COP1: variants seen among roughly 807,000 people sequenced by gnomAD.
COP1 encodes COP1 E3 ubiquitin ligase, also known as E3 ubiquitin-protein ligase COP1.
Under a neutral mutation model 101.3 loss-of-function variants are expected in COP1, and 24 were observed. The ratio of observed to expected loss-of-function variants is 0.24; its 90% CI spans 0.17 to 0.33. COP1 has a LOEUF of 0.33. Ranked by LOEUF, COP1 falls within the 10% of genes least tolerant of loss-of-function variation. COP1 has a pLI of 1.00. For missense variants in COP1, 663 were observed against 906.2 expected, an observed-to-expected ratio of 0.73 and a Z score of 3.45; for synonymous variants, 347 against 341.9, an observed-to-expected ratio of 1.01 and a Z score of -0.17.
chr1:176,115,700 C>T (rs150853109), intron 9 of COP1, among the ~76,000 whole-genome samples: 9 of 151,684 alleles, frequency 5.9e-5, no homozygotes, highest in Non-Finnish European at 1.2e-4. Flanking sequence ...GAGCCGAGAT[C>T]GTACCACTGC....
chr1:176,056,511 CGT>C (rs751446292), intron 11 of COP1, among the ~76,000 whole-genome samples: 10 of 150,190 alleles, frequency 6.7e-5, no homozygotes, highest in Admixed American at 1.3e-4. Context: ...TATAATGGGG[CGT>C]GTGTGTGTGT....
chr1:175,992,647 G>C (rs1325761257), intron 15 of COP1, among the ~76,000 whole-genome samples: 1 of 152,214 alleles, frequency 6.6e-6, no homozygotes, highest in Non-Finnish European at 1.5e-5. Flanking sequence ...CTGACTGCAA[G>C]CACAGCAGTC....
At chr1:176,049,604 G>A (rs1431753764) in intron 11 of COP1, among the ~76,000 whole-genome samples, 1 of 151,964 alleles carries the variant, frequency 6.6e-6, no homozygotes, top group Non-Finnish European at 1.5e-5. Flanking sequence ...TTTAGTGGAA[G>A]AACTTCCACA....
At chr1:176,019,292 G>T (rs937258442) in intron 15 of COP1, among the ~76,000 whole-genome samples, 2 of 151,426 alleles carry the variant, frequency 1.3e-5, no homozygotes, top group South Asian at 2.1e-4. Flanking sequence ...GTGAAACCCC[G>T]TCTCTACTAA....
chr1:176,042,546 G>A (rs1367690132), intron 14 of COP1, among the ~76,000 whole-genome samples: 8 of 134,174 alleles, frequency 6.0e-5, no homozygotes, highest in Non-Finnish European at 1.3e-4. Context: ...CTGGGCAGCA[G>A]AGCGAGAATC....
intron 1 of COP1, among the ~76,000 whole-genome samples, chr1:176,189,568 C>T (rs1446893167): frequency 2.6e-5 from 4 of 151,754 alleles, no homozygotes; most frequent in African/African-American, 9.7e-5. Flanking sequence ...TGCCCACAGA[C>T]CTGTACTACA....
chr1:176,166,108 C>T (rs958739732), intron 3 of COP1, among the ~76,000 whole-genome samples: 1 of 152,024 alleles, frequency 6.6e-6, no homozygotes, highest in East Asian at 1.9e-4. Context: ...AACTAAAGAT[C>T]AAGCCTGTAT....
intron 7 of COP1, 144 bp downstream of exon 7, chr1:176,136,344 C>A: frequency 2.3e-6 from 1 of 437,294 alleles, no homozygotes. Context: ...TACAAAAATT[C>A]ATCCTCAATT....
chr1:176,146,869 A>G (rs1180588295), intron 6 of COP1, among the ~76,000 whole-genome samples: 2 of 150,982 alleles, frequency 1.3e-5, no homozygotes, highest in African/African-American at 4.8e-5. Context: ...AAGGAGAATC[A>G]GTAGGAAAAA....
chr1:176,149,083 G>C lies in COP1; in HGVS notation c.763-9C>G, dbSNP rs3748618. On this transcript the variant is annotated splice_polypyrimidine_tract_variant and intron_variant, in intron 5 of 19. Transcript: ENST00000367669. ...TGGGCTGCATGTGATTCCTACAATA[G>C]AAAATTATAATTTTTCTTTTAAAAA... 4.5e-5 allele frequency: 70 copies of C among 1,539,988 alleles called. No individual in the cohort carries two copies. Among genetic ancestry groups the C allele is most frequent in the Non-Finnish European group, 4.2e-5 (47 of 1,129,346 alleles).
At chr1:176,061,041 A>T (rs1158279466) in intron 11 of COP1, among the ~76,000 whole-genome samples, 1 of 152,212 alleles carries the variant, frequency 6.6e-6, no homozygotes, top group Non-Finnish European at 1.5e-5. Context: ...GAGAACTTAT[A>T]TTACCTAATT....
At chr1:175,960,123 T>C (rs1277039115) in intron 18 of COP1, among the ~76,000 whole-genome samples, 1 of 152,220 alleles carries the variant, frequency 6.6e-6, no homozygotes, top group Non-Finnish European at 1.5e-5. Context: ...GAAATGCCAG[T>C]AACTGGTTTT....
chr1:175,945,216 T>C (rs911537032), intron 19 of COP1, 46 bp from the exon 20 acceptor site: 22 of 1,383,786 alleles, frequency 1.6e-5, no homozygotes, highest in South Asian at 3.8e-5. Context: ...TCATTTAAGA[T>C]ATAAAAGGAA....
chr1:176,091,041 GC>G (rs1473060201), intron 9 of COP1, among the ~76,000 whole-genome samples: 1 of 152,164 alleles, frequency 6.6e-6, no homozygotes, highest in African/African-American at 2.4e-5. Context: ...AAGGCAAAAT[GC>G]TTTTCAAGAG....
chr1:176,019,332 G>T (rs1286466394), intron 15 of COP1, among the ~76,000 whole-genome samples: 1 of 150,066 alleles, frequency 6.7e-6, no homozygotes, highest in African/African-American at 2.5e-5. Flanking sequence ...GCATGGTGGT[G>T]TGCGCTTGTA....
chr1:176,061,795 C>T (rs1289636197), intron 11 of COP1, among the ~76,000 whole-genome samples: 1 of 152,006 alleles, frequency 6.6e-6, no homozygotes, highest in Non-Finnish European at 1.5e-5. Flanking sequence ...AACATTTCTA[C>T]AGGATAGAAA....
intron 1 of COP1, among the ~76,000 whole-genome samples, chr1:176,205,268 T>C (rs993347820): frequency 6.6e-6 from 1 of 152,162 alleles, no homozygotes; most frequent in East Asian, 1.9e-4. Flanking sequence ...GCCCCAACCA[T>C]AAACTGCTTA....
chr1:176,204,986 C>T (rs1182563496), intron 1 of COP1, among the ~76,000 whole-genome samples: 2 of 152,148 alleles, frequency 1.3e-5, no homozygotes, highest in African/African-American at 4.8e-5. Context: ...GCATAGCCTG[C>T]AGTGCACTGA....
At chr1:176,126,964 G>A (rs1688088578) in intron 8 of COP1, among the ~76,000 whole-genome samples, 1 of 152,082 alleles carries the variant, frequency 6.6e-6, no homozygotes, top group Non-Finnish European at 1.5e-5. Context: ...AATTTAAAGA[G>A]AATAATCAAT....
Sources: allele counts gnomAD v4.1 joint callset (sites outside exome capture counted in the v4.1 genomes callset), GRCh38; gene constraint gnomAD v4.1.1; transcripts MANE v1.5; gene names NCBI Gene and HGNC (gene_info 2026-07-23, HGNC 2026-07-21).